SLC9D1: variants seen among roughly 807,000 people sequenced by gnomAD.
The protein encoded by SLC9D1 is solute carrier family 9 member D1.
At chr13:113,504,265 T>C in the SLC9D1 span, 2 of 152,256 alleles carry the variant, frequency 1.3e-5, no homozygotes, top group South Asian at 2.1e-4. Context: ...TTAAACAAAG[T>C]GACTTAATTT....
chr13:113,519,312 C>T, the SLC9D1 span, among the ~76,000 whole-genome samples: 70 of 149,826 alleles, frequency 4.7e-4, no homozygotes, highest in African/African-American at 1.6e-3. Flanking sequence ...TCCCAAAGTG[C>T]TGGGATTACA....
At chr13:113,530,307 GTGAATATGC>G in the SLC9D1 span, 1 of 152,180 alleles carries the variant, frequency 6.6e-6, no homozygotes, top group Non-Finnish European at 1.5e-5. Context: ...GTGTAATTTT[GTGAATATGC>G]TGGAAACCAT....
the SLC9D1 span, among the ~76,000 whole-genome samples, chr13:113,538,938 C>T: frequency 6.6e-6 from 1 of 152,210 alleles, no homozygotes; most frequent in African/African-American, 2.4e-5. Flanking sequence ...CGTGCCCTCC[C>T]GGGGCTGTTG....
At chr13:113,524,088 G>C in the SLC9D1 span, 9 of 455,772 alleles carry the variant, frequency 2.0e-5, no homozygotes, top group Admixed American at 1.4e-4. Context: ...AGTGTATTCT[G>C]TTATTGTTGA....
chr13:113,518,676 A>G, the SLC9D1 span, among the ~76,000 whole-genome samples: 1 of 152,126 alleles, frequency 6.6e-6, no homozygotes, highest in Non-Finnish European at 1.5e-5. Context: ...AGATGCGGTG[A>G]CCACAAGCCC....
chr13:113,500,659 G>T, the SLC9D1 span, among the ~76,000 whole-genome samples: 1 of 152,284 alleles, frequency 6.6e-6, no homozygotes, highest in East Asian at 1.9e-4. Flanking sequence ...ATCATGGTTC[G>T]GGTGGTCACT....
the SLC9D1 span, among the ~76,000 whole-genome samples, chr13:113,506,558 A>AGTGTGTGTGTGT: frequency 0.032 from 3,462 of 109,832 alleles, 77 homozygotes; most frequent in East Asian, 0.11. Context: ...TGTGTGTGTG[A>AGTGTGTGTGTGT]GTGTGTGTGT....
the SLC9D1 span, among the ~76,000 whole-genome samples, chr13:113,513,460 T>G: frequency 6.6e-6 from 1 of 152,186 alleles, no homozygotes. Flanking sequence ...TTGAGTTTGT[T>G]TTTTTAAAGG....
chr13:113,503,373 G>A, the SLC9D1 span: 1 of 630,254 alleles, frequency 1.6e-6, no homozygotes, highest in South Asian at 1.9e-5. Context: ...GTGTGTGTGT[G>A]TGTGTGTGTG....
the SLC9D1 span, among the ~76,000 whole-genome samples, chr13:113,498,122 T>A: frequency 1.3e-5 from 2 of 152,234 alleles, no homozygotes; most frequent in East Asian, 1.9e-4. Flanking sequence ...CAAATGTTTC[T>A]TACGTGTGTT....
the SLC9D1 span, among the ~76,000 whole-genome samples, chr13:113,498,909 A>G: frequency 2.0e-5 from 3 of 152,310 alleles, no homozygotes; most frequent in African/African-American, 7.2e-5. Context: ...GGGGTAGTCC[A>G]TAGAGTAAAG....
chr13:113,502,415 A>G, the SLC9D1 span, among the ~76,000 whole-genome samples: 1 of 152,040 alleles, frequency 6.6e-6, no homozygotes, highest in African/African-American at 2.4e-5. Context: ...GGGTTTCACT[A>G]TGTTAGTCAG....
chr13:113,504,854 G>C, the SLC9D1 span: 1 of 152,184 alleles, frequency 6.6e-6, no homozygotes, highest in African/African-American at 2.4e-5. Context: ...TCAAATGGTA[G>C]AGCTACTTTT....
chr13:113,537,948 T>C, the SLC9D1 span, among the ~76,000 whole-genome samples: 2 of 152,286 alleles, frequency 1.3e-5, no homozygotes, highest in African/African-American at 4.8e-5. Flanking sequence ...TGTACCTGTG[T>C]GCATGCATGT....
At chr13:113,505,547 G>C in the SLC9D1 span, 9 of 152,190 alleles carry the variant, frequency 5.9e-5, no homozygotes, top group East Asian at 1.9e-4. Context: ...ATATCGGTTG[G>C]AAAGCTAAAT....
the SLC9D1 span, among the ~76,000 whole-genome samples, chr13:113,496,949 G>A: frequency 6.6e-6 from 1 of 152,198 alleles, no homozygotes; most frequent in East Asian, 1.9e-4. Context: ...AGTAACATTG[G>A]CTCCTGGTAT....
the SLC9D1 span, among the ~76,000 whole-genome samples, chr13:113,523,584 G>A: frequency 3.3e-5 from 5 of 152,094 alleles, no homozygotes; most frequent in African/African-American, 9.7e-5. Context: ...CAAAGAATTC[G>A]TTCCTTGTTT....
At chr13:113,539,106 G>C in the SLC9D1 span, among the ~76,000 whole-genome samples, 1 of 152,194 alleles carries the variant, frequency 6.6e-6, no homozygotes, top group Non-Finnish European at 1.5e-5. This position sits in a 1 kb window ranked among gnomAD's most constrained non-coding sequence, Gnocchi z 4.8. Flanking sequence ...AGCGCAATCT[G>C]TATGGATATT....
At chr13:113,518,498 A>G in the SLC9D1 span, among the ~76,000 whole-genome samples, 5 of 152,372 alleles carry the variant, frequency 3.3e-5, no homozygotes, top group South Asian at 2.1e-4. Context: ...ATCAAAGGCT[A>G]TCTCTAAAAA....
Sources: gnomAD v4.1 joint callset for allele counts (sites outside exome capture counted in the v4.1 genomes callset) on GRCh38, gnomAD v4.1.1 for gene constraint, Gnocchi (gnomAD v3.1) non-coding constraint, MANE v1.5 for transcripts, NCBI Gene and HGNC (gene_info 2026-07-23, HGNC 2026-07-21) for gene names.